The following ARHGEF38 variants were observed in gnomAD, a reference collection of about 807,000 sequenced individuals.
ARHGEF38 encodes the protein Rho guanine nucleotide exchange factor 38.
A neutral mutation model predicts 79.9 loss-of-function variants in ARHGEF38; 79 were observed. That is an observed-to-expected ratio of 0.99 (90% CI 0.82 to 1.19). ARHGEF38 has a LOEUF of 1.19. Among genes scored for constraint, ARHGEF38 ranks in the 50% most tolerant of loss-of-function variants. The pLI, the probability that ARHGEF38 is intolerant of heterozygous loss-of-function variation, is 0.00. For synonymous variants in ARHGEF38, 366 were observed against 328.3 expected (o/e 1.11, Z -1.24); for missense variants, 962 against 907.2 (o/e 1.06, Z -0.78).
intron 3 of ARHGEF38, among the ~76,000 whole-genome samples, chr4:105,613,997 C>CT (rs1008104855): frequency 3.9e-5 from 6 of 151,966 alleles, no homozygotes; most frequent in East Asian, 1.9e-4. Context: ...TTCATGCTCT[C>CT]TTTTTTTCTG....
chr4:105,632,124 G>A (rs567791734), intron 4 of ARHGEF38, among the ~76,000 whole-genome samples: 20 of 152,240 alleles, frequency 1.3e-4, no homozygotes, highest in Non-Finnish European at 2.5e-4. Context: ...GGCGTTTCCC[G>A]GCTAGAATTG....
intron 1 of ARHGEF38, among the ~76,000 whole-genome samples, chr4:105,570,780 A>G (rs1406826430): frequency 6.6e-6 from 1 of 152,160 alleles, no homozygotes; most frequent in African/African-American, 2.4e-5. Flanking sequence ...ATATCATGGT[A>G]TATATACACA....
rs1177327444 is a variant in ARHGEF38 at position 105,659,091 on chromosome 4, C to T, written c.1271C>T (p.Ser424Leu). Residue 424 changes from serine to leucine, a missense_variant, in exon 10 of 14, where the codon TCA (serine) becomes TTA (leucine). Transcript: ENST00000420470. ...HLQRLILTPL[S>L]ALLSLFPGPH... Reference sequence around the variant, plus strand: ...CAGAGACTCATCCTGACCCCCTTGTCAGCCCTGCTGTCCTTATTCCCAGGG... The same window carrying T: ...CAGAGACTCATCCTGACCCCCTTGTTAGCCCTGCTGTCCTTATTCCCAGGG... 40 of 1,535,978 alleles carry T rather than the reference C, an allele frequency of 2.6e-5. No homozygotes were observed. Among genetic ancestry groups the T allele is most frequent in the Non-Finnish European group, 3.4e-5 (39 of 1,146,850 alleles).
At chr4:105,665,078 G>A (rs1351964962) in intron 10 of ARHGEF38, among the ~76,000 whole-genome samples, 1 of 152,022 alleles carries the variant, frequency 6.6e-6, no homozygotes, top group Non-Finnish European at 1.5e-5. Context: ...GCTCACTGCA[G>A]CCTCAACTTC....
At chr4:105,674,611 T>G (rs1578369826) in intron 13 of ARHGEF38, among the ~76,000 whole-genome samples, 1 of 152,128 alleles carries the variant, frequency 6.6e-6, no homozygotes, top group South Asian at 2.1e-4. Context: ...AAAAGCAGCT[T>G]ACTTCCATTT....
intron 2 of ARHGEF38, among the ~76,000 whole-genome samples, chr4:105,608,230 T>C (rs1434273060): frequency 6.6e-6 from 1 of 152,074 alleles, no homozygotes; most frequent in Non-Finnish European, 1.5e-5. Flanking sequence ...CCAATACTTG[T>C]TTTCCTTCAT....
At chr4:105,560,213 T>A (rs1243766213) in intron 1 of ARHGEF38, among the ~76,000 whole-genome samples, 1 of 152,218 alleles carries the variant, frequency 6.6e-6, no homozygotes, top group Non-Finnish European at 1.5e-5. Context: ...TGCCAGACTG[T>A]CACTGTTTAA....
chr4:105,587,223 G>T (rs1727096284), intron 1 of ARHGEF38, among the ~76,000 whole-genome samples: 1 of 152,146 alleles, frequency 6.6e-6, no homozygotes. Context: ...TGGGAGGATT[G>T]CTTGAGCCCA....
chr4:105,617,628 A>C (rs542471917), intron 3 of ARHGEF38, among the ~76,000 whole-genome samples: 26 of 152,312 alleles, frequency 1.7e-4, no homozygotes, highest in South Asian at 4.1e-4. Context: ...AGGCCTCTGA[A>C]ATTGAATTGC....
chr4:105,648,172 G>T (rs935037476), intron 6 of ARHGEF38, among the ~76,000 whole-genome samples: 1 of 152,116 alleles, frequency 6.6e-6, no homozygotes, highest in Non-Finnish European at 1.5e-5. Context: ...ACAGGTGTGA[G>T]CCACCGTGCC....
At chr4:105,632,109 G>C (rs1193608299) in intron 4 of ARHGEF38, among the ~76,000 whole-genome samples, 1 of 152,148 alleles carries the variant, frequency 6.6e-6, no homozygotes, top group Admixed American at 6.5e-5. Flanking sequence ...TACTACTCTG[G>C]AGGAGGCGTT....
In ARHGEF38 at chr4:105,667,246, C is replaced by G. The variant is rs1207266590; in HGVS notation, c.1807C>G (p.Leu603Val). 2 of 1,536,074 alleles carry G rather than the reference C, an allele frequency of 1.3e-6. No individual in the cohort carries two copies. Among genetic ancestry groups the G allele is most frequent in the Non-Finnish European group, 1.7e-6 (2 of 1,146,938 alleles). Residue 603 changes from leucine to valine, a missense_variant, in exon 12 of 14, where the codon CTT becomes GTT. Physicochemically the swap from Leu to Val is conservative, Grantham distance 32. Coordinates refer to ENST00000420470, the MANE Select transcript of ARHGEF38 (RefSeq NM_001242729.2). The stretch of plus-strand genomic sequence containing the variant: ...TGCTACACAAGAATATGACATCAAT[C>G]TTCTGGAAGGAGACTTGGTGGCTGT... ...CNATQEYDIN[L>V]LEGDLVAVIE... is the part of the protein sequence containing the mutation.
chr4:105,563,846 G>A (rs1206987649), intron 1 of ARHGEF38, among the ~76,000 whole-genome samples: 5 of 152,168 alleles, frequency 3.3e-5, no homozygotes, highest in Non-Finnish European at 7.4e-5. Flanking sequence ...GTTATTTTAT[G>A]CCTCTCAACA....
chr4:105,587,317 A>C (rs1195030710), intron 1 of ARHGEF38, among the ~76,000 whole-genome samples: 1 of 152,202 alleles, frequency 6.6e-6, no homozygotes, highest in Non-Finnish European at 1.5e-5. Context: ...CTGAAAACAA[A>C]AAACAAAAAA....
In ARHGEF38 at chr4:105,659,273, C is replaced by T. The variant is rs1382253223; in HGVS notation, c.1453C>T (p.Arg485Trp). ...EELQAFNQAA[R>W]KILLNCLCSF... ...GCTCCAGGCATTCAACCAGGCTGCT[C>T]GGAAGATTCTGTTGAACTGTCTATG... The change falls in exon 10 of 14, where the codon CGG becomes TGG. Residue 485 changes from arginine to tryptophan, a missense_variant. Arg to Trp is a moderately radical substitution (Grantham distance 101). Transcript: ENST00000420470. The T allele has an allele frequency of 3.3e-6, 5 of 1,536,064 alleles. No homozygotes were observed. Among genetic ancestry groups the T allele is most frequent in the South Asian group, 1.2e-5 (1 of 84,042 alleles).
chr4:105,675,140 C>T (rs979617311), intron 13 of ARHGEF38, among the ~76,000 whole-genome samples: 2 of 152,130 alleles, frequency 1.3e-5, no homozygotes, highest in Non-Finnish European at 2.9e-5. Context: ...CTAGAAACTC[C>T]AGTCCCTCTC....
intron 1 of ARHGEF38, among the ~76,000 whole-genome samples, chr4:105,583,105 A>G (rs1179815622): frequency 6.6e-6 from 1 of 152,122 alleles, no homozygotes; most frequent in Non-Finnish European, 1.5e-5. Flanking sequence ...CATAGATTTG[A>G]ATCGACTGCC....
rs370643231 is a variant in ARHGEF38, at chr4:105,623,161, G to A, written c.509-7737G>A. 7.9e-5 allele frequency among the ~76,000 whole-genome samples: 12 copies of A among 152,316 alleles called. No individual in the cohort carries two copies. The South Asian group carries it at 2.5e-3, about 32-fold the overall frequency. ...AGGAATTCTTGTCTGTTTTATGACTGTTGTGTCACCAGCACCCAGAACAGT... is the reference window on the plus strand; with the variant it reads ...AGGAATTCTTGTCTGTTTTATGACTATTGTGTCACCAGCACCCAGAACAGT... On this transcript the variant is annotated intron_variant, in intron 3 of 13. Coordinates refer to ENST00000420470, the MANE Select transcript of ARHGEF38 (RefSeq NM_001242729.2).
chr4:105,623,687 A>C (rs1335673938), intron 3 of ARHGEF38, among the ~76,000 whole-genome samples: 2 of 152,198 alleles, frequency 1.3e-5, no homozygotes, highest in African/African-American at 4.8e-5. Context: ...TAAATGTTAG[A>C]ACTGGACTAA....
Sources: gnomAD v4.1 joint callset for allele counts (sites outside exome capture counted in the v4.1 genomes callset) on GRCh38, gnomAD v4.1.1 for gene constraint, MANE v1.5 for transcripts, NCBI Gene and HGNC (gene_info 2026-07-23, HGNC 2026-07-21) for gene names.